The following FRAS1 variants were observed in gnomAD, a reference collection of about 807,000 sequenced individuals.
FRAS1 encodes extracellular matrix organizing protein FRAS1.
In FRAS1, 290 loss-of-function variants were observed where a neutral mutation model predicts 435.2. That is an observed-to-expected ratio of 0.67 (90% CI 0.61 to 0.73). The LOEUF is 0.73. FRAS1 is among the 30% of genes least tolerant of loss of function. The pLI is 0.00. For synonymous variants in FRAS1, 1,800 were observed against 1,851.0 expected (o/e 0.97, Z 0.71); for missense variants, 4,860 against 5,001.5 (o/e 0.97, Z 0.85).
chr4:78,391,503 G>GA (rs1732440610), intron 29 of FRAS1, among the ~76,000 whole-genome samples: 1 of 152,294 alleles, frequency 6.6e-6, no homozygotes, highest in Admixed American at 6.5e-5. Context: ...GTGGACAGGG[G>GA]AAAATCATAC....
At position 78,478,027 on chromosome 4, in the gene FRAS1, C is replaced by T. The variant is rs371145937; in HGVS notation, c.8064C>T (p.Ser2688=). ...FDKKIYWVNE[S]AGFLFAPIER... is the part of the protein sequence containing the mutation. ...AGAAGATCTACTGGGTTAACGAGAG[C>T]GCTGGTTTTCTGTTTGCACCTATTG... Residue 2688 remains serine (S), a synonymous_variant, in exon 55 of 74, where the codon AGC becomes AGT. Coordinates refer to ENST00000512123, the MANE Select transcript of FRAS1 (RefSeq NM_025074.7). 89 of 1,587,716 alleles carry T rather than the reference C, an allele frequency of 5.6e-5. No individual in the cohort carries two copies. The highest frequency in any genetic ancestry group is 3.9e-4 in the Admixed American group (22 of 55,722).
At chr4:78,479,192 T>A (rs906035032) in intron 55 of FRAS1, among the ~76,000 whole-genome samples, 182 bp from the exon 56 acceptor site, 43 of 152,226 alleles carry the variant, frequency 2.8e-4, no homozygotes, top group Admixed American at 2.1e-3. Flanking sequence ...GTATATTAAA[T>A]CCTCAAGTGG....
chr4:78,321,374 C>T (rs541416530), intron 18 of FRAS1, among the ~76,000 whole-genome samples: 13 of 152,300 alleles, frequency 8.5e-5, no homozygotes, highest in Admixed American at 2.0e-4. Context: ...TAAACCATCA[C>T]GCTACTGTAT....
chr4:78,513,329 G>GT, intron 64 of FRAS1, 63 bp from the exon 65 acceptor site: 1 of 1,509,812 alleles, frequency 6.6e-7, no homozygotes, highest in South Asian at 1.1e-5. Context: ...TGAGAAAGAA[G>GT]TATGTCCTAT....
At chr4:78,454,195 T>G (rs543965796) in intron 47 of FRAS1, among the ~76,000 whole-genome samples, 40 of 149,784 alleles carry the variant, frequency 2.7e-4, no homozygotes, top group African/African-American at 9.3e-4. Flanking sequence ...AAAAGGACAT[T>G]CCAGACAGAG....
At chr4:78,484,739 C>T (rs946492063) in intron 58 of FRAS1, among the ~76,000 whole-genome samples, 6 of 152,296 alleles carry the variant, frequency 3.9e-5, no homozygotes, top group South Asian at 4.1e-4. Flanking sequence ...CTCATAACCC[C>T]GTGCTCTTTC....
intron 32 of FRAS1, among the ~76,000 whole-genome samples, chr4:78,418,319 G>A (rs888961625): frequency 2.0e-5 from 3 of 152,252 alleles, no homozygotes; most frequent in Middle Eastern, 3.4e-3. Flanking sequence ...GTTTGGGGTG[G>A]GTTCACTTTT....
intron 47 of FRAS1, among the ~76,000 whole-genome samples, chr4:78,458,771 A>C (rs1007515766): frequency 3.3e-5 from 5 of 152,234 alleles, no homozygotes; most frequent in Non-Finnish European, 7.3e-5. Context: ...AGATTGAATA[A>C]GATCAAATAC....
intron 38 of FRAS1, among the ~76,000 whole-genome samples, chr4:78,437,162 A>G (rs1734462035): frequency 6.6e-6 from 1 of 152,200 alleles, no homozygotes; most frequent in South Asian, 2.1e-4. Flanking sequence ...GAGATTTGAA[A>G]TATATAGTAA....
intron 9 of FRAS1, among the ~76,000 whole-genome samples, chr4:78,269,775 T>A (rs1265735439): frequency 6.6e-6 from 1 of 152,232 alleles, no homozygotes; most frequent in Admixed American, 6.5e-5. Flanking sequence ...TTAATTCAGG[T>A]GAAGAAGTCA....
chr4:78,228,695 G>T (rs1184686545), intron 2 of FRAS1, among the ~76,000 whole-genome samples: 7 of 152,202 alleles, frequency 4.6e-5, no homozygotes, highest in African/African-American at 1.7e-4. Flanking sequence ...AATTCCAGCA[G>T]GGATTTTCTA....
intron 2 of FRAS1, among the ~76,000 whole-genome samples, chr4:78,195,947 CT>C (rs66606732): frequency 0.3 from 43,782 of 145,824 alleles, 6,937 homozygotes; most frequent in South Asian, 0.53. Context: ...ATTCTTATTA[CT>C]TTTTTTTTTT....
chr4:78,189,436 A>G (rs570604240), intron 2 of FRAS1, among the ~76,000 whole-genome samples: 30 of 152,282 alleles, frequency 2.0e-4, no homozygotes, highest in Middle Eastern at 6.8e-3. Context: ...GTCTTCTTGC[A>G]TTGTTCTTGG....
intron 2 of FRAS1, among the ~76,000 whole-genome samples, chr4:78,112,599 G>A (rs1200750056): frequency 6.6e-6 from 1 of 152,056 alleles, no homozygotes; most frequent in Non-Finnish European, 1.5e-5. Flanking sequence ...TTAGTACTAT[G>A]TAAGTAGTAC....
chr4:78,494,339 G>C (rs979506293), intron 59 of FRAS1, among the ~76,000 whole-genome samples: 3 of 152,104 alleles, frequency 2.0e-5, no homozygotes, highest in Non-Finnish European at 4.4e-5. Context: ...AGTTCATAAA[G>C]AAAAGGGGTT....
At chr4:78,299,133 G>A (rs149731830) in intron 14 of FRAS1, among the ~76,000 whole-genome samples, 1 of 152,344 alleles carries the variant, frequency 6.6e-6, no homozygotes, top group Non-Finnish European at 1.5e-5. Flanking sequence ...AGAACTCATA[G>A]ATGGGCACAT....
At chr4:78,090,416 A>G (rs1001877628) in intron 2 of FRAS1, among the ~76,000 whole-genome samples, 9 of 152,218 alleles carry the variant, frequency 5.9e-5, no homozygotes, top group Admixed American at 6.5e-5. Context: ...TCTGGAAATT[A>G]TACTAAGTTT....
At chr4:78,153,858 A>G (rs576237513) in intron 2 of FRAS1, among the ~76,000 whole-genome samples, 1 of 152,260 alleles carries the variant, frequency 6.6e-6, no homozygotes, top group African/African-American at 2.4e-5. Flanking sequence ...GTTCTTTATA[A>G]CATTGATTTT....
chr4:78,422,003 A>G lies in FRAS1; in HGVS notation c.4678+3A>G, dbSNP rs1252730406. 3 of 1,608,656 alleles carry G rather than the reference A, an allele frequency of 1.9e-6. No homozygotes were observed. Among genetic ancestry groups the G allele is most frequent in the African/African-American group, 1.3e-5 (1 of 74,924 alleles). On this transcript the variant is annotated splice_donor_region_variant and intron_variant, in intron 34 of 73. Coordinates refer to ENST00000512123, the MANE Select transcript of FRAS1 (RefSeq NM_025074.7). ...GCTCATGGCCTTCTCGTTCGCTGGT[A>G]ATGCTCTCCTCTCTGCTTTGAGGCA...
Sources: allele counts gnomAD v4.1 joint callset (sites outside exome capture counted in the v4.1 genomes callset), GRCh38; gene constraint gnomAD v4.1.1; transcripts MANE v1.5; gene names NCBI Gene and HGNC (gene_info 2026-07-23, HGNC 2026-07-21).